The following PXDNL variants were observed in gnomAD, a reference collection of about 807,000 sequenced individuals.
PXDNL encodes peroxidasin like, also known as probable oxidoreductase PXDNL.
A neutral mutation model predicts 150.8 loss-of-function variants in PXDNL; 145 were observed. That is an observed-to-expected ratio of 0.96 (90% CI 0.84 to 1.10). PXDNL has a LOEUF of 1.10. PXDNL is among the 50% of genes least tolerant of loss of function. The probability of loss-of-function intolerance (pLI) is 0.00; values close to 1 mark genes in which losing one functional copy is unlikely to be tolerated. For synonymous variants in PXDNL, 757 were observed against 725.7 expected, an observed-to-expected ratio of 1.04 and a Z score of -0.69; for missense variants, 2,087 against 1,873.9, an observed-to-expected ratio of 1.11 and a Z score of -2.10.
intron 19 of PXDNL, among the ~76,000 whole-genome samples, chr8:51,350,280 C>G (rs1806295440): frequency 6.6e-6 from 1 of 151,026 alleles, no homozygotes; most frequent in South Asian, 2.1e-4. Context: ...ATTGGTCTGA[C>G]CAGGTATGCC....
At chr8:51,600,144 T>C (rs1414713965) in intron 2 of PXDNL, among the ~76,000 whole-genome samples, 2 of 145,322 alleles carry the variant, frequency 1.4e-5, no homozygotes, top group East Asian at 2.1e-4. Flanking sequence ...AATTATACCT[T>C]ATATAAATTA....
At chr8:51,615,674 G>A (rs940995729) in intron 2 of PXDNL, among the ~76,000 whole-genome samples, 6 of 152,076 alleles carry the variant, frequency 3.9e-5, no homozygotes, top group Admixed American at 6.6e-5. Context: ...ATCACTGGCA[G>A]GTTTCAAGCA....
At chr8:51,739,378 C>T (rs115815571) in intron 1 of PXDNL, among the ~76,000 whole-genome samples, 3,876 of 152,004 alleles carry the variant, frequency 0.025, 170 homozygotes, top group African/African-American at 0.088. Context: ...AGTGTCACCG[C>T]TTTTATTCAT....
intron 1 of PXDNL, among the ~76,000 whole-genome samples, chr8:51,673,903 G>C (rs1055435680): frequency 2.0e-5 from 3 of 152,078 alleles, no homozygotes; most frequent in African/African-American, 7.2e-5. Flanking sequence ...ATGCCACCAG[G>C]TCACAGATGC....
intron 1 of PXDNL, among the ~76,000 whole-genome samples, chr8:51,735,791 C>A (rs1817026466): frequency 6.6e-6 from 1 of 151,686 alleles, no homozygotes; most frequent in African/African-American, 2.4e-5. Flanking sequence ...CGTGATCCGC[C>A]CGCCTCGGCC....
At chr8:51,697,701 C>A (rs1262659045) in intron 1 of PXDNL, among the ~76,000 whole-genome samples, 1 of 152,130 alleles carries the variant, frequency 6.6e-6, no homozygotes, top group South Asian at 2.1e-4. Context: ...CCAGGAGTGC[C>A]CTGTCTGTAA....
chr8:51,517,685 T>C (rs185806341), intron 4 of PXDNL, among the ~76,000 whole-genome samples: 71 of 152,372 alleles, frequency 4.7e-4, no homozygotes, highest in South Asian at 1.2e-3. Context: ...AAGGGATAAT[T>C]TTATATGATC....
intron 14 of PXDNL, among the ~76,000 whole-genome samples, chr8:51,413,802 T>G (rs573191777): frequency 6.6e-6 from 1 of 152,316 alleles, no homozygotes; most frequent in Admixed American, 6.5e-5. Context: ...TACTTACAGC[T>G]GATCATTTCC....
At chr8:51,518,695 T>C (rs900642978) in intron 4 of PXDNL, among the ~76,000 whole-genome samples, 3 of 152,096 alleles carry the variant, frequency 2.0e-5, no homozygotes, top group African/African-American at 7.2e-5. Context: ...ACAGGTTAGA[T>C]TACACTGCAC....
At chr8:51,572,380 G>A (rs1417548814) in intron 3 of PXDNL, among the ~76,000 whole-genome samples, 2 of 151,786 alleles carry the variant, frequency 1.3e-5, no homozygotes, top group Non-Finnish European at 2.9e-5. Flanking sequence ...AATATTATTT[G>A]GCATTTGAAA....
At chr8:51,575,995 C>T (rs1024811037) in intron 3 of PXDNL, among the ~76,000 whole-genome samples, 2 of 150,950 alleles carry the variant, frequency 1.3e-5, no homozygotes, top group Non-Finnish European at 3.0e-5. Context: ...ATGTATGCAT[C>T]AAGAAACAGA....
chr8:51,639,551 A>G (rs1156599571), intron 2 of PXDNL, among the ~76,000 whole-genome samples: 2 of 152,230 alleles, frequency 1.3e-5, no homozygotes, highest in African/African-American at 2.4e-5. Flanking sequence ...AATACAAATT[A>G]CCATCAGAGA....
intron 14 of PXDNL, among the ~76,000 whole-genome samples, chr8:51,419,007 A>G (rs1295823570): frequency 6.6e-6 from 1 of 152,168 alleles, no homozygotes; most frequent in East Asian, 1.9e-4. Context: ...ATAAATCGTG[A>G]GGGCTCAGCT....
intron 21 of PXDNL, among the ~76,000 whole-genome samples, chr8:51,332,929 G>T (rs1277414804): frequency 6.6e-6 from 1 of 152,168 alleles, no homozygotes; most frequent in Non-Finnish European, 1.5e-5. Flanking sequence ...GAATAATCGA[G>T]GAAAACTTCC....
intron 11 of PXDNL, among the ~76,000 whole-genome samples, chr8:51,448,700 A>AAAACAAACAAAC (rs55820855): frequency 0.048 from 7,210 of 150,484 alleles, 206 homozygotes; most frequent in East Asian, 0.058. Context: ...ACTCTGTCTC[A>AAAACAAACAAAC]AAACAAACAA....
At chr8:51,572,904 A>G (rs1489942230) in intron 3 of PXDNL, among the ~76,000 whole-genome samples, 1 of 151,968 alleles carries the variant, frequency 6.6e-6, no homozygotes, top group Non-Finnish European at 1.5e-5. Context: ...AAGACAAACT[A>G]AAAGGCCTCT....
At chr8:51,799,282 G>A (rs533747250) in intron 1 of PXDNL, among the ~76,000 whole-genome samples, 35 of 152,278 alleles carry the variant, frequency 2.3e-4, no homozygotes, top group Admixed American at 5.2e-4. Flanking sequence ...GCTAATGCAC[G>A]TGGAGTTTAA....
At chr8:51,603,227 T>G (rs1396834997) in intron 2 of PXDNL, among the ~76,000 whole-genome samples, 1 of 151,946 alleles carries the variant, frequency 6.6e-6, no homozygotes, top group East Asian at 1.9e-4. Context: ...TTTTTATTAT[T>G]TTAATGATTA....
intron 1 of PXDNL, among the ~76,000 whole-genome samples, chr8:51,790,925 T>A (rs1390281084): frequency 6.6e-6 from 1 of 151,516 alleles, no homozygotes; most frequent in Non-Finnish European, 1.5e-5. Flanking sequence ...CCTTATTTTT[T>A]AAAAAGAGAT....
Sources: gnomAD v4.1 joint callset for allele counts (sites outside exome capture counted in the v4.1 genomes callset) on GRCh38, gnomAD v4.1.1 for gene constraint, MANE v1.5 for transcripts, NCBI Gene and HGNC (gene_info 2026-07-23, HGNC 2026-07-21) for gene names.